MYO9A: variants seen among roughly 807,000 people sequenced by gnomAD.
MYO9A encodes the protein myosin IXA, also known as unconventional myosin-IXa.
A neutral mutation model predicts 293.3 loss-of-function variants in MYO9A; 103 were observed. The observed-to-expected ratio is 0.35, with a 90% CI of 0.30 to 0.41. MYO9A has a LOEUF of 0.41. MYO9A is among the 10% of genes least tolerant of loss of function. The probability of loss-of-function intolerance (pLI) is 1.00; values close to 1 mark genes in which losing one functional copy is unlikely to be tolerated. For synonymous variants in MYO9A, 1,001 were observed against 1,035.7 expected, an observed-to-expected ratio of 0.97 and a Z score of 0.64; for missense variants, 2,685 against 3,033.0, an observed-to-expected ratio of 0.89 and a Z score of 2.69.
chr15:71,919,819 G>A lies in MYO9A; in HGVS notation c.2563-3327C>T, dbSNP rs527524110. On this transcript the variant is annotated intron_variant, in intron 18 of 41. Transcript: ENST00000356056. ...ATCGCACCACTGCACTCCAGCCAGGGCGACAGAATAAGACTCCATCTCAAA... is the reference window on the plus strand; with the variant it reads ...ATCGCACCACTGCACTCCAGCCAGGACGACAGAATAAGACTCCATCTCAAA... Among the ~76,000 whole-genome samples the A allele has an allele frequency of 3.8e-5, 5 of 131,552 alleles. No individual in the cohort carries two copies. In the South Asian group the frequency reaches 7.4e-4, roughly 19 times the overall value. The allele number at this position is 131,552 out of a possible 152,430, so 86.3% of individuals were successfully genotyped here.
chr15:71,925,230 TAC>T (rs2058268419), intron 18 of MYO9A, among the ~76,000 whole-genome samples: 2 of 146,452 alleles, frequency 1.4e-5, no homozygotes, highest in African/African-American at 5.0e-5. Context: ...TACACATATA[TAC>T]ACATATATAT....
Position 71,916,467 on chromosome 15 carries a change from T to G in MYO9A, c.2588A>C (p.Lys863Thr). The stretch of plus-strand genomic sequence containing the variant: ...TTGTAGTGTCAGTCTTGTCAGGTGC[T>G]TTAAAGAATTTACTTCTAGCAAGTG... ...PKHLLEVNSL[K>T]HLTRLTLQDR... is the part of the protein sequence containing the mutation. The change falls in exon 19 of 42, where the codon AAG becomes ACG. Residue 863 changes from lysine (K) to threonine (T), a missense_variant. Lys to Thr is a moderately conservative substitution (Grantham distance 78, BLOSUM62 -1). This residue lies in a region of MYO9A where 1,434 missense variants were observed against 1,497.7 expected (regional missense o/e 0.96). Transcript: ENST00000356056. 1 of 1,610,306 alleles carries G rather than the reference T, an allele frequency of 6.2e-7. No homozygotes were observed. The highest frequency in any genetic ancestry group is 8.5e-7 in the Non-Finnish European group (1 of 1,179,016).
At chr15:71,978,827 G>A (rs1044262161) in intron 11 of MYO9A, among the ~76,000 whole-genome samples, 2 of 150,800 alleles carry the variant, frequency 1.3e-5, no homozygotes, top group South Asian at 2.1e-4. Flanking sequence ...TAAAAAACTC[G>A]AGGTTCAGGT....
At chr15:72,079,037 G>A (rs931039905) in intron 1 of MYO9A, among the ~76,000 whole-genome samples, 3 of 150,838 alleles carry the variant, frequency 2.0e-5, no homozygotes, top group Non-Finnish European at 4.4e-5. Context: ...ATACTGTAAC[G>A]GTACAGACAT....
intron 1 of MYO9A, among the ~76,000 whole-genome samples, chr15:72,082,510 T>A (rs2079577462): frequency 6.6e-6 from 1 of 152,154 alleles, no homozygotes; most frequent in African/African-American, 2.4e-5. Context: ...TGACTTCCTC[T>A]CTTCCTATTT....
chr15:71,854,735 T>C (rs1353902168), intron 34 of MYO9A, among the ~76,000 whole-genome samples, 166 bp from the exon 35 acceptor site: 4 of 152,202 alleles, frequency 2.6e-5, no homozygotes, highest in African/African-American at 4.8e-5. Flanking sequence ...AAATGAGATA[T>C]TAGTTTCAAT....
At chr15:72,038,834 T>A (rs1018317982) in intron 2 of MYO9A, among the ~76,000 whole-genome samples, 2 of 152,242 alleles carry the variant, frequency 1.3e-5, no homozygotes, top group Non-Finnish European at 2.9e-5. Flanking sequence ...TGACCTTTGT[T>A]ACAGCAACCT....
chr15:72,010,419 A>C lies in MYO9A; in HGVS notation c.1184T>G (p.Leu395Trp). 1.9e-6 allele frequency: 3 copies of C among 1,613,470 alleles called. No individual in the cohort carries two copies. The highest frequency in any genetic ancestry group is 2.5e-6 in the Non-Finnish European group (3 of 1,179,596). ...TTGTAGGCGCTCAAAGTCATGTCTC[A>C]AATCTTCTCCTTCCACCGTGAAGCA... ...PDCFTVEGED[L>W]RHDFERLQLA... The change falls in exon 7 of 42, where the codon TTG (leucine) becomes TGG (tryptophan). Residue 395 changes from leucine (L) to tryptophan (W), a missense_variant. This residue lies in a region of MYO9A where 289 missense variants were observed against 456.8 expected (regional missense o/e 0.63). Transcript: ENST00000356056.
At chr15:71,861,082 T>C (rs1206266154) in intron 33 of MYO9A, among the ~76,000 whole-genome samples, 3 of 151,226 alleles carry the variant, frequency 2.0e-5, no homozygotes, top group African/African-American at 4.9e-5. Flanking sequence ...ACAAGAATCA[T>C]AGTTACACTA....
chr15:71,910,305 A>C (rs2057810107), intron 19 of MYO9A, among the ~76,000 whole-genome samples: 1 of 151,382 alleles, frequency 6.6e-6, no homozygotes, highest in African/African-American at 2.4e-5. Context: ...CTTACTTTTA[A>C]GATGATAAGT....
At position 71,938,901 on chromosome 15, in the gene MYO9A, G is replaced by A. The variant is rs766211567; in HGVS notation, c.2329C>T (p.Pro777Ser). ...YSITRKNPRT[P>S]LSDLQGMNAL... ...TTCATGCCCTGGAGATCAGAAAGAG[G>A]TGTTCTGGGATTTTTCCGGGTTATA... The change falls in exon 16 of 42, where the codon CCT (proline) becomes TCT (serine). Residue 777 changes from proline (P) to serine (S), a missense_variant. Around this residue, in one of 10 missense-constraint regions of MYO9A, gnomAD observed 1,434 missense variants for 1,497.7 expected, o/e 0.96. Coordinates refer to ENST00000356056, the MANE Select transcript of MYO9A (RefSeq NM_006901.4). 6.2e-6 allele frequency: 10 copies of A among 1,610,890 alleles called. No homozygotes were observed. Among genetic ancestry groups the A allele is most frequent in the South Asian group, 1.1e-5 (1 of 90,592 alleles).
At chr15:71,926,781 G>A (rs1008998395) in intron 18 of MYO9A, among the ~76,000 whole-genome samples, 1 of 152,190 alleles carries the variant, frequency 6.6e-6, no homozygotes, top group South Asian at 2.1e-4. Flanking sequence ...AAAAGGCAGT[G>A]TCACCAGGAG....
intron 21 of MYO9A, 60 bp from the exon 22 acceptor site, chr15:71,903,123 A>C (rs956633683): frequency 1.4e-5 from 19 of 1,332,742 alleles, no homozygotes; most frequent in Non-Finnish European, 1.9e-5. Flanking sequence ...ACAAGACCTT[A>C]AACTAATTAT....
At chr15:72,029,032 A>G (rs566257626) in intron 3 of MYO9A, among the ~76,000 whole-genome samples, 22 of 152,328 alleles carry the variant, frequency 1.4e-4, no homozygotes, top group African/African-American at 2.6e-4. Context: ...ACACAAAGAG[A>G]GACACCTGAG....
chr15:72,006,910 C>G (rs1032411077), intron 8 of MYO9A, among the ~76,000 whole-genome samples: 2 of 152,120 alleles, frequency 1.3e-5, no homozygotes, highest in African/African-American at 4.8e-5. Flanking sequence ...TACAGGTTAA[C>G]AATTTTGATA....
At chr15:71,887,217 A>G (rs1596110875) in intron 27 of MYO9A, among the ~76,000 whole-genome samples, 1 of 152,138 alleles carries the variant, frequency 6.6e-6, no homozygotes. Flanking sequence ...ACCATAAGTC[A>G]TGTAACAATT....
chr15:71,901,197 A>G lies in MYO9A; in HGVS notation c.3144T>C (p.Ile1048=), dbSNP rs2057473292. 2 of 1,611,240 alleles carry G rather than the reference A, an allele frequency of 1.2e-6. No individual in the cohort carries two copies. The highest frequency in any genetic ancestry group is 4.5e-5 in the East Asian group (2 of 44,764). ...HFLHLRQASV[I]IQRFWRNYLN... ...AGAATCCTTTGCTTCTCACCTGGAT[A>G]ATAACAGATGCTTGTCTCAGATGGA... is the stretch of plus-strand genomic sequence containing the variant. The change falls in exon 23 of 42, where the codon ATT becomes ATC. Residue 1048 remains isoleucine (I), a synonymous_variant. Coordinates refer to ENST00000356056, the MANE Select transcript of MYO9A (RefSeq NM_006901.4).
intron 8 of MYO9A, among the ~76,000 whole-genome samples, chr15:72,004,395 T>C (rs1596359820): frequency 6.6e-6 from 1 of 152,060 alleles, no homozygotes; most frequent in East Asian, 1.9e-4. Flanking sequence ...CCATCTTTAC[T>C]AAAAATACAA....
intron 10 of MYO9A, among the ~76,000 whole-genome samples, chr15:71,991,964 G>C (rs909171766): frequency 9.9e-5 from 15 of 152,152 alleles, no homozygotes; most frequent in African/African-American, 3.6e-4. Flanking sequence ...CACGTTGGCC[G>C]GTCTGGTATC....
Sources: allele counts gnomAD v4.1 joint callset (sites outside exome capture counted in the v4.1 genomes callset), GRCh38; gene constraint gnomAD v4.1.1; regional missense constraint gnomAD v4.1.1; transcripts MANE v1.5; gene names NCBI Gene and HGNC (gene_info 2026-07-23, HGNC 2026-07-21).